Variants in HS3ST4 observed in about 807,000 individuals in gnomAD.
HS3ST4 encodes heparan sulfate-glucosamine 3-sulfotransferase 4, also known as heparan sulfate glucosamine 3-O-sulfotransferase 4.
In HS3ST4, 17 loss-of-function variants were observed where a neutral mutation model predicts 29.2. The ratio of observed to expected loss-of-function variants is 0.58; its 90% CI spans 0.40 to 0.87. The LOEUF (loss-of-function observed/expected upper bound fraction) is 0.87, where lower values mean the gene tolerates loss of function less well. Among genes scored for constraint, HS3ST4 ranks in the 40% least tolerant of loss-of-function variants. The pLI is 0.00. For missense variants in HS3ST4, 627 were observed against 634.5 expected (o/e 0.99, Z 0.13); for synonymous variants, 314 against 285.7 (o/e 1.10, Z -1.00).
chr16:26,035,655 A>T (rs539819005), intron 1 of HS3ST4, among the ~76,000 whole-genome samples: 13 of 152,268 alleles, frequency 8.5e-5, no homozygotes, highest in African/African-American at 3.1e-4. Context: ...TCCTGCCAAT[A>T]CCCTAGTTTA....
At chr16:25,945,624 T>C (rs968599747) in intron 1 of HS3ST4, among the ~76,000 whole-genome samples, 2 of 152,216 alleles carry the variant, frequency 1.3e-5, no homozygotes, top group African/African-American at 4.8e-5. Flanking sequence ...TCGCCAACTT[T>C]TGTTATCAAC....
At chr16:25,811,441 T>C (rs920611078) in intron 1 of HS3ST4, among the ~76,000 whole-genome samples, 3 of 147,724 alleles carry the variant, frequency 2.0e-5, no homozygotes, top group Admixed American at 6.7e-5. Context: ...TTTTTCTTTT[T>C]TTTTTTTTTG....
intron 1 of HS3ST4, among the ~76,000 whole-genome samples, chr16:26,090,974 G>A (rs536316604): frequency 2.6e-5 from 4 of 152,244 alleles, no homozygotes; most frequent in South Asian, 2.1e-4. Context: ...CTAACCTGGT[G>A]TATAGGGTCA....
chr16:25,732,681 A>G (rs1214496933), intron 1 of HS3ST4, among the ~76,000 whole-genome samples: 1 of 152,198 alleles, frequency 6.6e-6, no homozygotes, highest in Non-Finnish European at 1.5e-5. Flanking sequence ...TTTAACAGCA[A>G]CAACAATCAT....
intron 1 of HS3ST4, among the ~76,000 whole-genome samples, chr16:25,800,207 A>T (rs1966919926): frequency 6.6e-6 from 1 of 152,070 alleles, no homozygotes; most frequent in South Asian, 2.1e-4. Context: ...AAGTAGAAAT[A>T]GTTGTCAAAT....
At chr16:26,022,299 CT>C (rs1567295511) in intron 1 of HS3ST4, among the ~76,000 whole-genome samples, 1 of 152,018 alleles carries the variant, frequency 6.6e-6, no homozygotes, top group African/African-American at 2.4e-5. Context: ...TTGTAAATAC[CT>C]TTTGGGTGAA....
intron 1 of HS3ST4, among the ~76,000 whole-genome samples, chr16:25,798,496 A>G (rs1421073559): frequency 6.6e-6 from 1 of 152,222 alleles, no homozygotes; most frequent in Admixed American, 6.5e-5. Flanking sequence ...CAATCATACA[A>G]TGACTCTTAA....
At chr16:25,959,702 C>G (rs894121113) in intron 1 of HS3ST4, among the ~76,000 whole-genome samples, 1 of 152,116 alleles carries the variant, frequency 6.6e-6, no homozygotes, top group Non-Finnish European at 1.5e-5. Flanking sequence ...GATATTTGTC[C>G]CCTCCTAATC....
At chr16:25,923,579 T>C (rs948696547) in intron 1 of HS3ST4, among the ~76,000 whole-genome samples, 1 of 152,162 alleles carries the variant, frequency 6.6e-6, no homozygotes, top group East Asian at 1.9e-4. Flanking sequence ...ATACTGTATT[T>C]ACCTGCAACT....
At chr16:26,006,440 T>C (rs1212795614) in intron 1 of HS3ST4, among the ~76,000 whole-genome samples, 1 of 152,110 alleles carries the variant, frequency 6.6e-6, no homozygotes, top group Non-Finnish European at 1.5e-5. Flanking sequence ...TTTTTCCTGC[T>C]GCCCAGATAG....
chr16:26,048,737 G>A (rs535111031), intron 1 of HS3ST4, among the ~76,000 whole-genome samples: 3 of 152,304 alleles, frequency 2.0e-5, no homozygotes, highest in South Asian at 4.1e-4. Context: ...GGAAGCTGAG[G>A]TGGGAGGATC....
chr16:26,084,639 C>T (rs1898763150), intron 1 of HS3ST4, among the ~76,000 whole-genome samples: 1 of 152,034 alleles, frequency 6.6e-6, no homozygotes, highest in South Asian at 2.1e-4. Context: ...CAGAGACTTG[C>T]TCTGTCACCC....
At position 25,973,722 on chromosome 16, in the gene HS3ST4, A is replaced by C. The variant is rs987901442; in HGVS notation, c.735-161890A>C. 7.9e-5 allele frequency among the ~76,000 whole-genome samples: 12 copies of C among 152,298 alleles called. No individual in the cohort carries two copies. In the East Asian group the frequency reaches 2.3e-3, roughly 29 times the overall value. Reference sequence around the variant, plus strand: ...ATTACACACATGTGCCCACACCCCCACACAAATGCTGCTATTAATTCGGGA... The same window carrying C: ...ATTACACACATGTGCCCACACCCCCCCACAAATGCTGCTATTAATTCGGGA... On this transcript the variant is annotated intron_variant, in intron 1 of 1. Transcript: ENST00000331351.
chr16:25,957,274 CCCTGCCT>C (rs1339286040), intron 1 of HS3ST4, among the ~76,000 whole-genome samples: 3 of 152,206 alleles, frequency 2.0e-5, no homozygotes, highest in Non-Finnish European at 4.4e-5. Flanking sequence ...GAACCCCTTC[CCCTGCCT>C]CTTCTCTGGC....
intron 1 of HS3ST4, among the ~76,000 whole-genome samples, chr16:26,074,036 G>A (rs1033504995): frequency 6.6e-6 from 1 of 152,152 alleles, no homozygotes; most frequent in African/African-American, 2.4e-5. Context: ...TCCCAGGTTT[G>A]ATTATTCTTA....
intron 1 of HS3ST4, among the ~76,000 whole-genome samples, chr16:26,095,806 C>CA (rs1383394430): frequency 3.3e-5 from 5 of 152,114 alleles, no homozygotes; most frequent in Admixed American, 1.3e-4. Flanking sequence ...AAAAATCCTT[C>CA]AAAAAATCAG....
intron 1 of HS3ST4, among the ~76,000 whole-genome samples, chr16:26,024,996 A>T (rs1400906091): frequency 3.3e-5 from 5 of 151,966 alleles, no homozygotes; most frequent in African/African-American, 7.2e-5. Context: ...CTCCCATTTC[A>T]TTCTTAGTAA....
At position 26,129,295 on chromosome 16, in the gene HS3ST4, C is replaced by T. The variant is rs60401435; in HGVS notation, c.735-6317C>T. On this transcript the variant is annotated intron_variant, in intron 1 of 1. Transcript: ENST00000331351. The stretch of plus-strand genomic sequence containing the variant: ...GTCTCCTTTTAAGATTCAACTTTGC[C>T]ACCTACAAGTGACCTTGGGCCAGTC... 3.5e-3 allele frequency among the ~76,000 whole-genome samples: 531 copies of T among 152,274 alleles called. 4 individuals carry two copies. Among genetic ancestry groups the T allele is most frequent in the African/African-American group, 0.012 (519 of 41,562 alleles).
At chr16:26,045,040 C>T (rs1351439780) in intron 1 of HS3ST4, among the ~76,000 whole-genome samples, 1 of 152,110 alleles carries the variant, frequency 6.6e-6, no homozygotes, top group East Asian at 1.9e-4. Flanking sequence ...AGAGCCCATG[C>T]GGCTGTGTAA....
Sources: allele counts gnomAD v4.1 joint callset (sites outside exome capture counted in the v4.1 genomes callset), GRCh38; gene constraint gnomAD v4.1.1; transcripts MANE v1.5; gene names NCBI Gene and HGNC (gene_info 2026-07-23, HGNC 2026-07-21).